SCN2A: variants seen among roughly 807,000 people sequenced by gnomAD.
SCN2A encodes sodium channel protein type 2 subunit alpha.
Under a neutral mutation model 188.7 loss-of-function variants are expected in SCN2A, and 20 were observed. The ratio of observed to expected loss-of-function variants is 0.11; its 90% CI spans 0.07 to 0.15. SCN2A has a LOEUF of 0.15. Ranked by LOEUF, SCN2A falls within the 10% of genes least tolerant of loss-of-function variation. The pLI is 1.00. For missense variants in SCN2A, 1,278 were observed against 2,445.0 expected, an observed-to-expected ratio of 0.52 and a Z score of 10.07; for synonymous variants, 804 against 833.1, an observed-to-expected ratio of 0.97 and a Z score of 0.60.
At chr2:165,251,294 C>A (rs1164237705) in intron 1 of SCN2A, among the ~76,000 whole-genome samples, 1 of 151,718 alleles carries the variant, frequency 6.6e-6, no homozygotes, top group Non-Finnish European at 1.5e-5. Context: ...TGGTAAGAAC[C>A]AATGGAACAT....
intron 16 of SCN2A, among the ~76,000 whole-genome samples, chr2:165,349,965 C>T (rs1699800378): frequency 6.6e-6 from 1 of 152,318 alleles, no homozygotes; most frequent in Non-Finnish European, 1.5e-5. Context: ...TGTGGCTCCA[C>T]CCAAATAGAT....
chr2:165,352,637 T>A (rs1383820767), intron 16 of SCN2A, among the ~76,000 whole-genome samples: 1 of 152,150 alleles, frequency 6.6e-6, no homozygotes, highest in African/African-American at 2.4e-5. Context: ...AAAATTCACA[T>A]CTGGCCTCCT....
Position 165,389,727 on chromosome 2 carries a change from CGTAT to C in SCN2A, c.5923_5926del (p.Tyr1975IlefsTer3). 1.2e-6 allele frequency: 2 copies of C among 1,613,770 alleles called. No individual in the cohort carries two copies. Among genetic ancestry groups the C allele is most frequent in the Non-Finnish European group, 1.7e-6 (2 of 1,179,922 alleles). ...ACGCCTTCCACCACGTCTCCACCCT[CGTAT>C]GATAGTGTGACCAAACCAGAAAAAG... On this transcript the variant is annotated frameshift_variant, in exon 27 of 27. Transcript: ENST00000375437. LOFTEE classifies it high-confidence loss of function. This position sits in a 1 kb window ranked among gnomAD's most constrained non-coding sequence, Gnocchi z 4.2.
chr2:165,341,014 G>T (rs1699278709), intron 14 of SCN2A, among the ~76,000 whole-genome samples: 1 of 152,224 alleles, frequency 6.6e-6, no homozygotes, highest in Non-Finnish European at 1.5e-5. Flanking sequence ...ATAAGGAAAG[G>T]ATAGATGGTG....
chr2:165,283,566 C>A (rs1440294381), intron 1 of SCN2A, among the ~76,000 whole-genome samples: 1 of 152,126 alleles, frequency 6.6e-6, no homozygotes, highest in Non-Finnish European at 1.5e-5. Flanking sequence ...TTAAGCTAGT[C>A]CCATAATAGC....
At position 165,386,851 on chromosome 2, in the gene SCN2A, G is replaced by A. The variant is rs938310933; in HGVS notation, c.4657G>A (p.Asp1553Asn). ...CATGGTCACCATGATGGTGGAAACC[G>A]ATGACCAGAGTCAAGAAATGACAAA... is the stretch of plus-strand genomic sequence containing the variant. ...LNMVTMMVET[D>N]DQSQEMTNIL... Residue 1553 changes from aspartate to asparagine, a missense_variant, in exon 26 of 27, where the codon GAT becomes AAT. By Grantham distance (23) the Asp-to-Asn change is conservative (BLOSUM62 1). Coordinates refer to ENST00000375437, the MANE Select transcript of SCN2A (RefSeq NM_001040142.2). 1.9e-6 allele frequency: 3 copies of A among 1,613,918 alleles called. No homozygotes were observed. Among genetic ancestry groups the A allele is most frequent in the Non-Finnish European group, 1.7e-6 (2 of 1,179,930 alleles).
rs549335391 is a variant in SCN2A at position 165,331,220 on chromosome 2, A to G, written c.2150-110A>G. The G allele has an allele frequency of 8.0e-6, 7 of 879,360 alleles. No individual in the cohort carries two copies. In the Admixed American group the frequency reaches 1.2e-4, roughly 15 times the overall value. 54.5% of individuals were successfully genotyped at this position (879,360 alleles called of 1,614,324 possible). The stretch of plus-strand genomic sequence containing the variant: ...CCCTGTTCCTCCAGCAGATTAACCC[A>G]TAATATCTTTTAACAACTTTAGATT... On this transcript the variant is annotated intron_variant, in intron 13 of 26. Coordinates refer to ENST00000375437, the MANE Select transcript of SCN2A (RefSeq NM_001040142.2).
intron 8 of SCN2A, among the ~76,000 whole-genome samples, chr2:165,313,110 G>A (rs921524809): frequency 5.9e-5 from 9 of 152,056 alleles, no homozygotes; most frequent in African/African-American, 1.7e-4. Context: ...GCCCAAGATC[G>A]TTCAGCTCAG....
intron 1 of SCN2A, chr2:165,290,899 TATG>T (rs1196336428): frequency 2.2e-6 from 1 of 450,682 alleles, no homozygotes; most frequent in East Asian, 1.6e-4. Context: ...GCACTGCAAA[TATG>T]ATGAGAATGT....
rs200999491 is a variant in SCN2A at position 165,284,071 on chromosome 2, CTCTG to C, written c.-51-11696_-51-11693del. ...TCTCTCTCTCTCTTTCTCTCTCTCT[CTCTG>C]TCTGTTTTTCTCTCTCTCTCATACA... On this transcript the variant is annotated intron_variant, in intron 1 of 26. Transcript: ENST00000375437. Among the ~76,000 whole-genome samples, 843 of 150,674 alleles carry C rather than the reference CTCTG, an allele frequency of 5.6e-3. 5 individuals carry two copies. Among genetic ancestry groups the C allele is most frequent in the Non-Finnish European group, 9.0e-3 (609 of 67,992 alleles).
At chr2:165,259,294 T>C (rs967457283) in intron 1 of SCN2A, among the ~76,000 whole-genome samples, 2 of 152,200 alleles carry the variant, frequency 1.3e-5, no homozygotes, top group African/African-American at 4.8e-5. Context: ...ATCAAGGTGG[T>C]GGTTGCTAAA....
chr2:165,271,685 A>G (rs1413583979), intron 1 of SCN2A: 1 of 152,148 alleles, frequency 6.6e-6, no homozygotes, highest in Non-Finnish European at 1.5e-5. Flanking sequence ...AAGATGTAGA[A>G]TATTTCTATC....
chr2:165,291,452 T>TTC (rs1260868860), intron 1 of SCN2A, among the ~76,000 whole-genome samples: 1 of 28,474 alleles, frequency 3.5e-5, no homozygotes, highest in African/African-American at 1.1e-4. Context: ...CTTTCTTTCT[T>TTC]TCTTTCTTTC....
intron 22 of SCN2A, 69 bp from the exon 23 acceptor site, chr2:165,377,528 C>A: frequency 1.5e-6 from 2 of 1,311,486 alleles, no homozygotes; most frequent in South Asian, 1.2e-5. Context: ...GAATTTTGAT[C>A]AATTATTCAA....
chr2:165,241,580 A>G (rs903742483), intron 1 of SCN2A, among the ~76,000 whole-genome samples: 4 of 152,230 alleles, frequency 2.6e-5, no homozygotes, highest in Non-Finnish European at 4.4e-5. Context: ...GTGGAATACC[A>G]CGTACCAACC....
chr2:165,363,236 TA>T (rs1390334733), intron 17 of SCN2A, among the ~76,000 whole-genome samples: 1 of 152,156 alleles, frequency 6.6e-6, no homozygotes, highest in East Asian at 1.9e-4. Context: ...AGCACTGATG[TA>T]AGCTCTGATA....
intron 16 of SCN2A, among the ~76,000 whole-genome samples, chr2:165,346,320 C>T (rs970505065): frequency 6.6e-6 from 1 of 152,162 alleles, no homozygotes; most frequent in African/African-American, 2.4e-5. Flanking sequence ...TGGTTCCATT[C>T]TCCCAGTCAC....
At chr2:165,293,510 G>A (rs550013078) in intron 1 of SCN2A, among the ~76,000 whole-genome samples, 1 of 152,090 alleles carries the variant, frequency 6.6e-6, no homozygotes, top group Non-Finnish European at 1.5e-5. Context: ...CAATTGTAAT[G>A]CAATGGTATT....
chr2:165,347,497 C>T (rs772772104), intron 16 of SCN2A, among the ~76,000 whole-genome samples: 13 of 151,898 alleles, frequency 8.6e-5, no homozygotes, highest in South Asian at 2.1e-4. Flanking sequence ...ATGTAGATTA[C>T]GGGTTAATGG....
Sources: gnomAD v4.1 joint callset for allele counts (sites outside exome capture counted in the v4.1 genomes callset) on GRCh38, gnomAD v4.1.1 for gene constraint, Gnocchi (gnomAD v3.1) non-coding constraint, MANE v1.5 for transcripts, NCBI Gene and HGNC (gene_info 2026-07-23, HGNC 2026-07-21) for gene names.